SEC22C: variants seen among roughly 807,000 people sequenced by gnomAD.
SEC22C encodes SEC22 homolog C, vesicle trafficking protein.
A neutral mutation model predicts 34.7 loss-of-function variants in SEC22C; 29 were observed. The observed-to-expected ratio is 0.84, with a 90% CI of 0.62 to 1.14. The LOEUF is 1.14. SEC22C is among the 50% of genes most tolerant of loss of function. The probability of loss-of-function intolerance (pLI) is 0.00; values close to 1 mark genes in which losing one functional copy is unlikely to be tolerated. For synonymous variants in SEC22C, 117 were observed against 132.8 expected (o/e 0.88, Z 0.82); for missense variants, 337 against 369.0 (o/e 0.91, Z 0.71).
upstream of SEC22C, among the ~76,000 whole-genome samples, chr3:42,583,559 T>A (rs900019582): frequency 1.3e-5 from 2 of 152,174 alleles, no homozygotes; most frequent in African/African-American, 4.8e-5. Flanking sequence ...GATTTTGCGA[T>A]GATTAGTTTT....
In SEC22C at chr3:42,600,907, C is replaced by A. The variant is rs1224039700; in HGVS notation, c.-28+53G>T. On this transcript the variant is annotated intron_variant, in intron 1 of 6. Transcript: ENST00000417572. ...TGAGGCACCGTGGCGCGGACTTCGT[C>A]TCAGCCCCGCCCTCGCCCCTGCCCT... 37 of 929,892 alleles carry A rather than the reference C, an allele frequency of 4.0e-5. No individual in the cohort carries two copies. The East Asian group carries it at 1.2e-3, about 29-fold the overall frequency. The allele number at this position is 929,892 out of a possible 1,614,324, so 57.6% of individuals were successfully genotyped here.
chr3:42,596,816 G>A (rs1342988342), intron 1 of SEC22C, among the ~76,000 whole-genome samples: 1 of 152,154 alleles, frequency 6.6e-6, no homozygotes, highest in Non-Finnish European at 1.5e-5. Context: ...TTTGTCTCAG[G>A]TCACATAACC....
chr3:42,578,221 C>G (rs1183645089), intron 1 of SEC22C, among the ~76,000 whole-genome samples: 1 of 152,126 alleles, frequency 6.6e-6, no homozygotes, highest in Non-Finnish European at 1.5e-5. Flanking sequence ...TGGAATACTA[C>G]TCAGCAAAGA....
intron 2 of SEC22C, chr3:42,564,023 T>G: frequency 9.7e-7 from 1 of 1,031,672 alleles, no homozygotes; most frequent in Non-Finnish European, 1.3e-6. Flanking sequence ...CATCAACAGA[T>G]TTCCTAATGT....
At chr3:42,559,866 A>G (rs1007601926) in intron 4 of SEC22C, among the ~76,000 whole-genome samples, 14 of 152,166 alleles carry the variant, frequency 9.2e-5, no homozygotes, top group African/African-American at 3.4e-4. Context: ...AAGGCATGGA[A>G]TATCAGCACA....
At chr3:42,595,939 CAT>C (rs1705013838) in intron 1 of SEC22C, among the ~76,000 whole-genome samples, 1 of 152,214 alleles carries the variant, frequency 6.6e-6, no homozygotes, top group Non-Finnish European at 1.5e-5. Flanking sequence ...GAACTGGGCA[CAT>C]GTTAATCTAT....
intron 6 of SEC22C, 121 bp from the exon 7 acceptor site, chr3:42,553,569 C>T: frequency 7.1e-7 from 1 of 1,398,688 alleles, no homozygotes; most frequent in Admixed American, 2.4e-5. Context: ...GCTGATTAAA[C>T]TGAATTCATT....
At chr3:42,575,900 T>C (rs1577345147) in intron 1 of SEC22C, among the ~76,000 whole-genome samples, 6 of 152,308 alleles carry the variant, frequency 3.9e-5, no homozygotes, top group Admixed American at 2.0e-4. Context: ...GGTGGGAGGA[T>C]TGCTGAGGAC....
intron 1 of SEC22C, among the ~76,000 whole-genome samples, chr3:42,589,879 T>C (rs1225179678): frequency 6.6e-6 from 1 of 152,114 alleles, no homozygotes; most frequent in Admixed American, 6.5e-5. Flanking sequence ...GGAGTAACCA[T>C]GTGGCCCAAG....
At position 42,556,006 on chromosome 3, in the gene SEC22C, T is replaced by A; in HGVS notation, c.646-11A>T. On this transcript the variant is annotated splice_polypyrimidine_tract_variant and intron_variant, in intron 5 of 6. Transcript: ENST00000264454. ...TTCCTCATGGGCAACCTAAAACAAA[T>A]ACAAGGAACACAAGGAAAGGGATAT... 6.2e-7 allele frequency: 1 copy of A among 1,606,164 alleles called. No individual in the cohort carries two copies. Among genetic ancestry groups the A allele is most frequent in the South Asian group, 1.1e-5 (1 of 90,606 alleles).
exon 1 of SEC22C, chr3:42,601,005 C>T: frequency 1.3e-6 from 2 of 1,567,558 alleles, no homozygotes; most frequent in Non-Finnish European, 1.7e-6. Flanking sequence ...ACCTCGGTCG[C>T]GATGGGGGCG....
intron 1 of SEC22C, among the ~76,000 whole-genome samples, chr3:42,593,216 C>A (rs892728578): frequency 1.3e-5 from 2 of 152,094 alleles, no homozygotes; most frequent in African/African-American, 4.8e-5. Context: ...AGTTCAATAC[C>A]AGCCTGGCCA....
chr3:42,559,896 G>C (rs1486918405), intron 4 of SEC22C, among the ~76,000 whole-genome samples: 1 of 151,832 alleles, frequency 6.6e-6, no homozygotes, highest in Non-Finnish European at 1.5e-5. Context: ...CGTTCATTAA[G>C]ACCTCTTCCT....
chr3:42,581,521 G>C (rs1261890590), intron 1 of SEC22C, among the ~76,000 whole-genome samples: 1 of 152,282 alleles, frequency 6.6e-6, no homozygotes, highest in Non-Finnish European at 1.5e-5. Flanking sequence ...CTTCGTGAAT[G>C]GTTAAAGAAA....
At chr3:42,563,043 C>T (rs959433700) in intron 3 of SEC22C, among the ~76,000 whole-genome samples, 9 of 152,232 alleles carry the variant, frequency 5.9e-5, no homozygotes, top group Non-Finnish European at 1.0e-4. Flanking sequence ...AGCAGTAATG[C>T]TCTGGGGCAG....
In SEC22C at chr3:42,550,772, G is replaced by T; in HGVS notation, c.*2476C>A. 1 of 984,960 alleles carries T rather than the reference G, an allele frequency of 1.0e-6. No individual in the cohort carries two copies. The allele number at this position is 984,960 out of a possible 1,614,324, so 61.0% of individuals were successfully genotyped here. On this transcript the variant is annotated 3_prime_UTR_variant, in exon 7 of 7. Transcript: ENST00000264454. ...ACTGCCTGCTGAATATGGATCATAG[G>T]CTCAGATGCCCAAAGCACCTGGGGT...
At chr3:42,596,122 A>G (rs2125743345) in intron 1 of SEC22C, among the ~76,000 whole-genome samples, 1 of 152,020 alleles carries the variant, frequency 6.6e-6, no homozygotes, top group East Asian at 1.9e-4. Context: ...CCTGGGTTCA[A>G]GTGATTCTCC....
At chr3:42,576,160 G>C (rs1703948323) in intron 1 of SEC22C, among the ~76,000 whole-genome samples, 1 of 151,998 alleles carries the variant, frequency 6.6e-6, no homozygotes, top group African/African-American at 2.4e-5. Flanking sequence ...CATTGAACTA[G>C]ATGAAAATGA....
intron 6 of SEC22C, among the ~76,000 whole-genome samples, chr3:42,553,688 G>C (rs1702363131): frequency 6.6e-6 from 1 of 152,204 alleles, no homozygotes; most frequent in African/African-American, 2.4e-5. Flanking sequence ...TCAGTGCATG[G>C]CACATCTGAA....
Sources: allele counts gnomAD v4.1 joint callset (sites outside exome capture counted in the v4.1 genomes callset), GRCh38; gene constraint gnomAD v4.1.1; transcripts MANE v1.5; gene names NCBI Gene and HGNC (gene_info 2026-07-23, HGNC 2026-07-21).